Variants in ATXN1 observed in about 807,000 individuals in gnomAD.
ATXN1 encodes the protein ataxin-1.
ATXN1 carries 8 observed loss-of-function variants against 56.4 expected under a neutral mutation model. The observed-to-expected ratio is 0.14, with a 90% CI of 0.08 to 0.26. The LOEUF (loss-of-function observed/expected upper bound fraction) is 0.26. ATXN1 is among the 10% of genes least tolerant of loss of function. The pLI, the probability that ATXN1 is intolerant of heterozygous loss-of-function variation, is 1.00. For synonymous variants in ATXN1, 514 were observed against 494.6 expected, an observed-to-expected ratio of 1.04 and a Z score of -0.52; for missense variants, 987 against 1,106.5, an observed-to-expected ratio of 0.89 and a Z score of 1.53.
chr6:16,522,498 T>C (rs1761312756), intron 5 of ATXN1, 129 bp downstream of exon 5: 1 of 151,778 alleles, frequency 6.6e-6, no homozygotes, highest in African/African-American at 2.4e-5. Context: ...ATAGGAAAAA[T>C]ACCTTGGTTC....
At chr6:16,500,903 T>C (rs1760873276) in intron 5 of ATXN1, among the ~76,000 whole-genome samples, 1 of 152,224 alleles carries the variant, frequency 6.6e-6, no homozygotes, top group Admixed American at 6.5e-5. Context: ...GTTCTTATAA[T>C]AGACAAGACA....
chr6:16,313,769 C>A (rs1284689918), intron 7 of ATXN1, among the ~76,000 whole-genome samples: 1 of 151,964 alleles, frequency 6.6e-6, no homozygotes, highest in African/African-American at 2.4e-5. Context: ...ACCATGTTGG[C>A]CAAGCTAGTC....
chr6:16,508,408 T>C (rs1363016245), intron 5 of ATXN1, among the ~76,000 whole-genome samples: 1 of 152,178 alleles, frequency 6.6e-6, no homozygotes, highest in Admixed American at 6.6e-5. Flanking sequence ...CTCTAAATCC[T>C]TAAATGCTTA....
At chr6:16,318,211 G>A (rs1475391158) in intron 7 of ATXN1, among the ~76,000 whole-genome samples, 4 of 152,178 alleles carry the variant, frequency 2.6e-5, no homozygotes, top group African/African-American at 9.7e-5. Flanking sequence ...CTTCACAAGA[G>A]TCCCTGTTTT....
chr6:16,632,894 G>A (rs1763531397), intron 3 of ATXN1, among the ~76,000 whole-genome samples: 2 of 151,908 alleles, frequency 1.3e-5, no homozygotes, highest in Non-Finnish European at 2.9e-5. Flanking sequence ...CTACTTGGGA[G>A]GCTGAGACAG....
At chr6:16,334,496 T>C (rs987041367) in intron 6 of ATXN1, among the ~76,000 whole-genome samples, 3 of 152,046 alleles carry the variant, frequency 2.0e-5, no homozygotes, top group African/African-American at 7.2e-5. Context: ...TCCCAGCACT[T>C]TGGGAGCCCA....
At chr6:16,673,243 G>A (rs1356134059) in intron 2 of ATXN1, among the ~76,000 whole-genome samples, 2 of 152,210 alleles carry the variant, frequency 1.3e-5, no homozygotes, top group East Asian at 3.9e-4. Context: ...AACTAACACA[G>A]GTGCTTTGAA....
At position 16,306,436 on chromosome 6, in the gene ATXN1, T is replaced by G. The variant is rs1184344729; in HGVS notation, c.2341A>C (p.Lys781Gln). The part of the protein sequence containing the change: ...KRRWSAPESR[K>Q]LEKSEDEPPL... ...GGTTCGTCTTCTGACTTCTCCAGTT[T>G]GCGGCTCTCTGGCGCCGACCACCTC... Residue 781 changes from lysine to glutamine, a missense_variant, in exon 8 of 8, where the codon AAA becomes CAA. Physicochemically the swap from Lys to Gln is moderately conservative, Grantham distance 53 (BLOSUM62 1). Coordinates refer to ENST00000436367, the MANE Select transcript of ATXN1 (RefSeq NM_001128164.2). The surrounding 1 kb of genome is among the most constrained non-coding windows in gnomAD (Gnocchi z 5.2). The G allele has an allele frequency of 2.5e-6, 4 of 1,614,060 alleles. No individual in the cohort carries two copies. In the South Asian group the frequency reaches 4.4e-5, roughly 18 times the overall value.
chr6:16,618,984 G>A (rs1581299598), intron 3 of ATXN1, among the ~76,000 whole-genome samples: 3 of 151,910 alleles, frequency 2.0e-5, no homozygotes, highest in East Asian at 1.9e-4. Flanking sequence ...CAATGAACAC[G>A]AATGGCCAAT....
chr6:16,307,927 G>T (rs1054336265), intron 7 of ATXN1, among the ~76,000 whole-genome samples: 1 of 152,172 alleles, frequency 6.6e-6, no homozygotes, highest in Non-Finnish European at 1.5e-5. Context: ...GCCAAGGCGC[G>T]TGGATCACCT....
At chr6:16,371,287 C>T (rs780467949) in intron 6 of ATXN1, among the ~76,000 whole-genome samples, 4 of 151,340 alleles carry the variant, frequency 2.6e-5, no homozygotes, top group Non-Finnish European at 4.4e-5. Flanking sequence ...GGAGCTAATA[C>T]ATGAGATAAA....
At chr6:16,620,439 C>G (rs990674650) in intron 3 of ATXN1, among the ~76,000 whole-genome samples, 3 of 151,886 alleles carry the variant, frequency 2.0e-5, no homozygotes, top group Non-Finnish European at 1.5e-5. Flanking sequence ...TTCAACATCT[C>G]TGGTTGTTTC....
At chr6:16,639,393 A>G (rs1025866880) in intron 3 of ATXN1, among the ~76,000 whole-genome samples, 2 of 152,140 alleles carry the variant, frequency 1.3e-5, no homozygotes, top group South Asian at 2.1e-4. Context: ...GGCTCACCGC[A>G]ACCTCCACCT....
chr6:16,737,026 T>C (rs1372399814), intron 2 of ATXN1: 6 of 152,224 alleles, frequency 3.9e-5, no homozygotes, highest in African/African-American at 1.4e-4. Context: ...CAGTAACTTT[T>C]TTTATATGAT....
chr6:16,671,289 T>C (rs1327749246), intron 2 of ATXN1, among the ~76,000 whole-genome samples: 2 of 143,408 alleles, frequency 1.4e-5, no homozygotes, highest in Non-Finnish European at 3.0e-5. Flanking sequence ...ATGTACACAA[T>C]TGGCACTTTT....
At position 16,579,480 on chromosome 6, in the gene ATXN1, GCCC is replaced by G. The variant is rs796374864; in HGVS notation, c.-361+6297_-361+6299del. ...AGGGTCACTGAGTACCTTGGTCAAA[GCCC>G]CCCCCCCCCACCCGCCGATTCATTC... On this transcript the variant is annotated intron_variant, in intron 4 of 7. Coordinates refer to ENST00000436367, the MANE Select transcript of ATXN1 (RefSeq NM_001128164.2). Among the ~76,000 whole-genome samples, 86 of 21,896 alleles carry G rather than the reference GCCC, an allele frequency of 3.9e-3. 15 individuals carry two copies. Among genetic ancestry groups the G allele is most frequent in the African/African-American group, 7.7e-3 (81 of 10,572 alleles). 14.4% of individuals were successfully genotyped at this position (21,896 alleles called of 152,430 possible). A position where few individuals can be genotyped will look rare whatever the true frequency, so the allele number is the denominator to read the frequency against.
intron 6 of ATXN1, among the ~76,000 whole-genome samples, chr6:16,480,807 C>T (rs1760423038): frequency 6.6e-6 from 1 of 152,100 alleles, no homozygotes; most frequent in Non-Finnish European, 1.5e-5. Context: ...TTGCATTTTC[C>T]TCCTCCTCTC....
chr6:16,553,071 C>T (rs1056202830), intron 4 of ATXN1, among the ~76,000 whole-genome samples: 4 of 152,210 alleles, frequency 2.6e-5, no homozygotes, highest in Non-Finnish European at 5.9e-5. Context: ...TCAGGCTATG[C>T]GCCTCTAGGA....
intron 4 of ATXN1, among the ~76,000 whole-genome samples, chr6:16,538,247 T>C (rs2113713561): frequency 6.6e-6 from 1 of 152,304 alleles, no homozygotes; most frequent in South Asian, 2.1e-4. Flanking sequence ...CTTGGGCAAA[T>C]CACTTAACCT....
Sources: gnomAD v4.1 joint callset for allele counts (sites outside exome capture counted in the v4.1 genomes callset) on GRCh38, gnomAD v4.1.1 for gene constraint, Gnocchi (gnomAD v3.1) non-coding constraint, MANE v1.5 for transcripts, NCBI Gene and HGNC (gene_info 2026-07-23, HGNC 2026-07-21) for gene names.